LRP5: variants seen among roughly 807,000 people sequenced by gnomAD.
LRP5 encodes LDL receptor related protein 5.
Under a neutral mutation model 154.1 loss-of-function variants are expected in LRP5, and 62 were observed. The observed-to-expected ratio is 0.40, with a 90% confidence interval of 0.33 to 0.50. The LOEUF is 0.50. Among genes scored for constraint, LRP5 ranks in the 20% least tolerant of loss-of-function variants. LRP5 has a pLI of 0.55. For synonymous variants in LRP5, 966 were observed against 1,011.5 expected (o/e 0.96, Z 0.85); for missense variants, 1,915 against 2,336.7 (o/e 0.82, Z 3.72).
chr11:68,419,737 T>C (rs1236165690), intron 13 of LRP5, among the ~76,000 whole-genome samples: 1 of 151,788 alleles, frequency 6.6e-6, no homozygotes, highest in East Asian at 1.9e-4. Flanking sequence ...AGAGACGGGG[T>C]TTCACCATGT....
chr11:68,427,215 G>T (rs1011028026), intron 16 of LRP5, among the ~76,000 whole-genome samples: 3 of 152,156 alleles, frequency 2.0e-5, no homozygotes, highest in Non-Finnish European at 4.4e-5. Flanking sequence ...GGAAATTACG[G>T]GGTCATTTAG....
At chr11:68,400,085 G>T (rs1181803092) in intron 7 of LRP5, among the ~76,000 whole-genome samples, 1 of 152,106 alleles carries the variant, frequency 6.6e-6, no homozygotes, top group Non-Finnish European at 1.5e-5. Flanking sequence ...GCCCATCCAG[G>T]AGATTCCGCA....
chr11:68,391,546 G>T (rs1255161325), intron 7 of LRP5, among the ~76,000 whole-genome samples: 1 of 152,204 alleles, frequency 6.6e-6, no homozygotes, highest in Admixed American at 6.5e-5. Flanking sequence ...GTGTGTCTGT[G>T]TTGCAGGATT....
chr11:68,326,795 G>A (rs537455004), intron 1 of LRP5, among the ~76,000 whole-genome samples: 3 of 152,242 alleles, frequency 2.0e-5, no homozygotes, highest in East Asian at 1.9e-4. Flanking sequence ...TGTAGGAGAC[G>A]TGTGTCTCCA....
chr11:68,439,743 A>G, intron 20 of LRP5, 34 bp from the exon 21 acceptor site: 1 of 1,601,968 alleles, frequency 6.2e-7, no homozygotes, highest in Non-Finnish European at 8.5e-7. Context: ...TGAGCCTGGA[A>G]GCCACCTGAC....
chr11:68,445,535 C>A (rs966014467), intron 21 of LRP5: 1 of 1,206,842 alleles, frequency 8.3e-7, no homozygotes, highest in Non-Finnish European at 1.1e-6. Flanking sequence ...CTGAGTCCCT[C>A]GGGCATAACT....
rs1343472455 is a variant in LRP5 at position 68,386,821 on chromosome 11, G to A, written c.1412+109G>A. On this transcript the variant is annotated intron_variant, in intron 6 of 22. Transcript: ENST00000294304. The surrounding 1 kb of genome is among the most constrained non-coding windows in gnomAD (Gnocchi z 7.9). ...GGGACACTGTCTTGCATCAGAACCC[G>A]GAGGAGGGCTTGTTAAAACACCGGC... The A allele has an allele frequency of 1.9e-5, 24 of 1,293,874 alleles. No homozygotes were observed. Among genetic ancestry groups the A allele is most frequent in the African/African-American group, 4.4e-5 (3 of 67,650 alleles). 80.1% of individuals were successfully genotyped at this position (1,293,874 alleles called of 1,614,324 possible).
intron 5 of LRP5, among the ~76,000 whole-genome samples, chr11:68,380,898 G>A (rs2098639912): frequency 6.6e-6 from 1 of 152,238 alleles, no homozygotes; most frequent in Non-Finnish European, 1.5e-5. Flanking sequence ...GGCTGGGTAC[G>A]TTGAATTGTG....
chr11:68,317,061 T>G (rs1223360751), intron 1 of LRP5, among the ~76,000 whole-genome samples: 1 of 152,224 alleles, frequency 6.6e-6, no homozygotes, highest in Non-Finnish European at 1.5e-5. Context: ...GTGGGCTCTG[T>G]GCCAGGCCGC....
Position 68,403,357 on chromosome 11 carries a change from A to G in LRP5, c.1585-126A>G, listed in dbSNP as rs687482. ...TTATGGTACCTGGCAAGGTGCAGGT[A>G]AAGTTGCGGCTCTTGGGCATTGAAC... is the stretch of plus-strand genomic sequence containing the variant. On this transcript the variant is annotated intron_variant, in intron 7 of 22. Transcript: ENST00000294304. 1 allele frequency: 753,868 copies of G among 754,072 alleles called. 376,833 individuals carry two copies. Among genetic ancestry groups the G allele is most frequent in the Middle Eastern group, 1 (3,312 of 3,312 alleles). The allele number at this position is 754,072 out of a possible 1,614,324, so 46.7% of individuals were successfully genotyped here. A position where few individuals can be genotyped will look rare whatever the true frequency, so the allele number is the denominator to read the frequency against.
At chr11:68,440,282 A>G (rs2098677474) in intron 21 of LRP5, among the ~76,000 whole-genome samples, 1 of 152,104 alleles carries the variant, frequency 6.6e-6, no homozygotes, top group South Asian at 2.1e-4. Context: ...GGTTCCCTCC[A>G]CAAACACCCT....
At chr11:68,312,007 T>G (rs2153109883), upstream of LRP5, among the ~76,000 whole-genome samples, 1 of 152,382 alleles carries the variant, frequency 6.6e-6, no homozygotes, top group African/African-American at 2.4e-5. Flanking sequence ...TCTGGGAGCC[T>G]GGCGGGACTT....
At chr11:68,383,736 G>A (rs753276873) in intron 5 of LRP5, among the ~76,000 whole-genome samples, 1 of 152,348 alleles carries the variant, frequency 6.6e-6, no homozygotes, top group East Asian at 1.9e-4. Context: ...CCATGAGGCC[G>A]ACTGTTGGTA....
chr11:68,329,291 G>T lies in LRP5; in HGVS notation c.91+16486G>T, dbSNP rs989889233. Among the ~76,000 whole-genome samples, 8 of 152,194 alleles carry T rather than the reference G, an allele frequency of 5.3e-5. No homozygotes were observed. In the South Asian group the frequency reaches 1.2e-3, roughly 24 times the overall value. Reference sequence around the variant, plus strand: ...TTGTGTATCACAGTGTGCCAGGTGGGCTCTAAGAGATGTTTGATTTCTTTA... The same window carrying T: ...TTGTGTATCACAGTGTGCCAGGTGGTCTCTAAGAGATGTTTGATTTCTTTA... On this transcript the variant is annotated intron_variant, in intron 1 of 22. Coordinates refer to ENST00000294304, the MANE Select transcript of LRP5 (RefSeq NM_002335.4).
At chr11:68,404,401 T>A in intron 8 of LRP5, 1 of 511,148 alleles carries the variant, frequency 2.0e-6, no homozygotes. Flanking sequence ...TGCTGCTGCA[T>A]TGCCTGCAGT....
intron 21 of LRP5, among the ~76,000 whole-genome samples, chr11:68,442,385 C>G (rs1591332942): frequency 6.6e-6 from 1 of 152,202 alleles, no homozygotes. Context: ...AGCGATTCTC[C>G]TGCCTCAGTC....
chr11:68,404,024 C>T (rs1191985815), intron 8 of LRP5: 35 of 471,460 alleles, frequency 7.4e-5, no homozygotes, highest in East Asian at 2.7e-4. Context: ...TTGCCCTACT[C>T]GCACTGGGGA....
At chr11:68,372,947 T>G (rs1354518549) in intron 5 of LRP5, among the ~76,000 whole-genome samples, 1 of 151,776 alleles carries the variant, frequency 6.6e-6, no homozygotes, top group Non-Finnish European at 1.5e-5. Context: ...CTCAGACTCT[T>G]AAGACACATC....
upstream of LRP5, among the ~76,000 whole-genome samples, chr11:68,311,461 C>T (rs1305434394): frequency 6.6e-6 from 1 of 152,234 alleles, no homozygotes; most frequent in Non-Finnish European, 1.5e-5. Flanking sequence ...GTCCTTCCTT[C>T]CCTAAGCCAG....
Sources: allele counts gnomAD v4.1 joint callset (sites outside exome capture counted in the v4.1 genomes callset), GRCh38; gene constraint gnomAD v4.1.1; non-coding constraint Gnocchi (gnomAD v3.1); transcripts MANE v1.5; gene names NCBI Gene and HGNC (gene_info 2026-07-23, HGNC 2026-07-21).